The following MOB3B variants were observed in gnomAD, a reference collection of about 807,000 sequenced individuals.
MOB3B encodes the protein MOB kinase activator-like 2B.
In MOB3B, 7 loss-of-function variants were observed where a neutral mutation model predicts 18.7. The observed-to-expected ratio is 0.37, with a 90% confidence interval of 0.21 to 0.70. The LOEUF (loss-of-function observed/expected upper bound fraction) is 0.70, where lower values mean the gene tolerates loss of function less well. MOB3B is among the 30% of genes least tolerant of loss of function. The probability of loss-of-function intolerance (pLI) is 0.52; values close to 1 mark genes in which losing one functional copy is unlikely to be tolerated. For missense variants in MOB3B, 253 were observed against 281.3 expected, an observed-to-expected ratio of 0.90 and a Z score of 0.72; for synonymous variants, 111 against 99.9, an observed-to-expected ratio of 1.11 and a Z score of -0.66.
Position 27,413,326 on chromosome 9 carries a change from AC to A in MOB3B, c.418+41806del, listed in dbSNP as rs573852946. On this transcript the variant is annotated intron_variant, in intron 2 of 3. Coordinates refer to ENST00000262244, the MANE Select transcript of MOB3B (RefSeq NM_024761.5). ...ATTTCATTCTCGTTACTGAAATGGGACTTTTTTTTTTTGTGGAGCTTAAAGT... is the reference window on the plus strand; with the variant it reads ...ATTTCATTCTCGTTACTGAAATGGGATTTTTTTTTTTGTGGAGCTTAAAGT... Among the ~76,000 whole-genome samples, 148 of 151,156 alleles carry A rather than the reference AC, an allele frequency of 9.8e-4. 2 individuals are homozygous for A. The East Asian group carries it at 0.022, about 23-fold the overall frequency.
rs1820708179 is a variant in MOB3B, at chr9:27,326,128, G to C, written c.*4459C>G. 1 of 217,050 alleles carries C rather than the reference G, an allele frequency of 4.6e-6. No homozygotes were observed. Among genetic ancestry groups the C allele is most frequent in the Non-Finnish European group, 9.0e-6 (1 of 111,488 alleles). 13.4% of individuals were successfully genotyped at this position (217,050 alleles called of 1,614,324 possible). ...TATAAATGTAGAAAAAGCAGGTCTGGACTTAGCAAAGAAACAATATAGTTT... is the reference window on the plus strand; with the variant it reads ...TATAAATGTAGAAAAAGCAGGTCTGCACTTAGCAAAGAAACAATATAGTTT... On this transcript the variant is annotated 3_prime_UTR_variant, in exon 4 of 4. Coordinates refer to ENST00000262244, the MANE Select transcript of MOB3B (RefSeq NM_024761.5).
At chr9:27,504,296 C>T (rs533541034) in intron 1 of MOB3B, among the ~76,000 whole-genome samples, 1 of 152,272 alleles carries the variant, frequency 6.6e-6, no homozygotes, top group East Asian at 1.9e-4. Context: ...AGATGCAGTC[C>T]TCATTTTGTG....
intron 3 of MOB3B, among the ~76,000 whole-genome samples, chr9:27,331,186 G>A (rs1269041344): frequency 2.6e-5 from 4 of 152,202 alleles, no homozygotes; most frequent in Non-Finnish European, 1.5e-5. Context: ...TGCGTCACCT[G>A]CCTGGCTCTT....
At chr9:27,388,718 T>A (rs1268949670) in intron 2 of MOB3B, among the ~76,000 whole-genome samples, 1 of 152,152 alleles carries the variant, frequency 6.6e-6, no homozygotes, top group Non-Finnish European at 1.5e-5. Flanking sequence ...ACATGTTGAA[T>A]ATATTCTTTT....
rs1307420536 is a variant in MOB3B at position 27,330,334 on chromosome 9, G to C, written c.*253C>G. On this transcript the variant is annotated 3_prime_UTR_variant, in exon 4 of 4. Coordinates refer to ENST00000262244, the MANE Select transcript of MOB3B (RefSeq NM_024761.5). ...AGGCTTCCTCGTGGACAATTCCCCA[G>C]CCAGAACGGTCAAGGGGCTGGTCCT... is the stretch of plus-strand genomic sequence containing the variant. 1 of 438,602 alleles carries C rather than the reference G, an allele frequency of 2.3e-6. No homozygotes were observed. Among genetic ancestry groups the C allele is most frequent in the Non-Finnish European group, 4.1e-6 (1 of 245,662 alleles). 27.2% of individuals were successfully genotyped at this position (438,602 alleles called of 1,614,324 possible).
Position 27,359,828 on chromosome 9 carries a change from G to A in MOB3B, c.419-592C>T, listed in dbSNP as rs75451519. Among the ~76,000 whole-genome samples, 1,468 of 152,250 alleles carry A rather than the reference G, an allele frequency of 9.6e-3. 16 individuals carry two copies. Among genetic ancestry groups the A allele is most frequent in the African/African-American group, 0.014 (590 of 41,530 alleles). ...GTCATCGAAGTCACTCAGATTTCCCGTCTGATGACCACTACTCCCAGCTCA... is the reference window on the plus strand; with the variant it reads ...GTCATCGAAGTCACTCAGATTTCCCATCTGATGACCACTACTCCCAGCTCA... On this transcript the variant is annotated intron_variant, in intron 2 of 3. Transcript: ENST00000262244.
At chr9:27,484,328 C>A (rs1477236770) in intron 1 of MOB3B, among the ~76,000 whole-genome samples, 1 of 152,140 alleles carries the variant, frequency 6.6e-6, no homozygotes, top group African/African-American at 2.4e-5. Context: ...CAGCAGCCCC[C>A]TGTCTGCCAT....
chr9:27,443,138 C>T lies in MOB3B; in HGVS notation c.418+11995G>A, dbSNP rs541353261. On this transcript the variant is annotated intron_variant, in intron 2 of 3. Coordinates refer to ENST00000262244, the MANE Select transcript of MOB3B (RefSeq NM_024761.5). ...CCTATAACTGCATTTCTAATAAGTTCCCAAGGGATCCTGATGCTGCTGGTC... is the reference window on the plus strand; with the variant it reads ...CCTATAACTGCATTTCTAATAAGTTTCCAAGGGATCCTGATGCTGCTGGTC... Among the ~76,000 whole-genome samples the T allele has an allele frequency of 5.3e-5, 8 of 152,256 alleles. No homozygotes were observed. The South Asian group carries it at 1.7e-3, about 32-fold the overall frequency.
chr9:27,458,242 CT>C lies in MOB3B; in HGVS notation c.-198-2495del, dbSNP rs1312646884. 2.0e-5 allele frequency among the ~76,000 whole-genome samples: 3 copies of C among 152,248 alleles called. No homozygotes were observed. In the East Asian group the frequency reaches 5.8e-4, roughly 30 times the overall value. On this transcript the variant is annotated intron_variant, in intron 1 of 3. Coordinates refer to ENST00000262244, the MANE Select transcript of MOB3B (RefSeq NM_024761.5). ...CATACCCTTGGTGCCACTAATCCTT[CT>C]GTTTTCCCTCAGCCAGGAGTGTCTG...
chr9:27,428,003 C>T (rs902446191), intron 2 of MOB3B, among the ~76,000 whole-genome samples: 6 of 152,160 alleles, frequency 3.9e-5, no homozygotes, highest in Admixed American at 1.3e-4. Flanking sequence ...GGTGACCAAC[C>T]TACTTCCATC....
intron 3 of MOB3B, among the ~76,000 whole-genome samples, chr9:27,332,779 G>A (rs775025185): frequency 1.3e-5 from 2 of 152,220 alleles, no homozygotes; most frequent in Non-Finnish European, 2.9e-5. Context: ...AAAACCCTCA[G>A]GGAAGGAGAG....
chr9:27,476,509 C>T (rs1240499310), intron 1 of MOB3B, among the ~76,000 whole-genome samples: 9 of 152,166 alleles, frequency 5.9e-5, no homozygotes, highest in Admixed American at 5.9e-4. Flanking sequence ...AGATTAGAGG[C>T]CCACCCGACT....
At chr9:27,349,285 A>G (rs1201872746) in intron 3 of MOB3B, among the ~76,000 whole-genome samples, 1 of 152,236 alleles carries the variant, frequency 6.6e-6, no homozygotes, top group Non-Finnish European at 1.5e-5. Flanking sequence ...AAGTGACCAC[A>G]CAAGTCCCTA....
At chr9:27,465,204 T>C (rs1819360894) in intron 1 of MOB3B, among the ~76,000 whole-genome samples, 1 of 152,056 alleles carries the variant, frequency 6.6e-6, no homozygotes, top group African/African-American at 2.4e-5. Flanking sequence ...TGCGTACAGG[T>C]ATTGGGTAAA....
intron 1 of MOB3B, among the ~76,000 whole-genome samples, chr9:27,529,268 T>C (rs1184335677): frequency 8.1e-6 from 1 of 122,718 alleles, no homozygotes; most frequent in African/African-American, 2.5e-5. Flanking sequence ...TCTTTTCAAA[T>C]CAAGGACAAA....
chr9:27,343,946 CCA>C (rs1319677369), intron 3 of MOB3B, among the ~76,000 whole-genome samples: 1 of 151,936 alleles, frequency 6.6e-6, no homozygotes, highest in East Asian at 1.9e-4. Context: ...AAAACAAAAG[CCA>C]TAGGTACCAA....
At chr9:27,429,718 C>A (rs1822390257) in intron 2 of MOB3B, among the ~76,000 whole-genome samples, 1 of 152,094 alleles carries the variant, frequency 6.6e-6, no homozygotes, top group Admixed American at 6.5e-5. Flanking sequence ...TTGGGCCAGC[C>A]CACCAGTGGT....
intron 1 of MOB3B, among the ~76,000 whole-genome samples, chr9:27,477,250 C>T (rs904678717): frequency 1.3e-5 from 2 of 152,204 alleles, no homozygotes; most frequent in African/African-American, 2.4e-5. Context: ...ATAGCCAATC[C>T]TGCCTTGGCG....
At chr9:27,336,498 T>A (rs1387833391) in intron 3 of MOB3B, among the ~76,000 whole-genome samples, 1 of 152,006 alleles carries the variant, frequency 6.6e-6, no homozygotes, top group African/African-American at 2.4e-5. Context: ...GGCTCCGCAG[T>A]GTGGTAAGGA....
Sources: allele counts gnomAD v4.1 joint callset (sites outside exome capture counted in the v4.1 genomes callset), GRCh38; gene constraint gnomAD v4.1.1; transcripts MANE v1.5; gene names NCBI Gene and HGNC (gene_info 2026-07-23, HGNC 2026-07-21).